The following CACNA2D3 variants were observed in gnomAD, a reference collection of about 807,000 sequenced individuals.
CACNA2D3 encodes calcium voltage-gated channel auxiliary subunit alpha2delta 3, also known as voltage-dependent calcium channel subunit alpha-2/delta-3.
Under a neutral mutation model 160.6 loss-of-function variants are expected in CACNA2D3, and 60 were observed. That is an observed-to-expected ratio of 0.37 (90% confidence interval 0.30 to 0.46). The LOEUF is 0.46. CACNA2D3 is among the 20% of genes least tolerant of loss of function. The probability of loss-of-function intolerance (pLI) is 1.00; values close to 1 mark genes in which losing one functional copy is unlikely to be tolerated. For missense variants in CACNA2D3, 1,205 were observed against 1,365.0 expected (o/e 0.88, Z 1.85); for synonymous variants, 558 against 492.9 (o/e 1.13, Z -1.75).
chr3:55,026,158 C>G (rs1290598099), intron 35 of CACNA2D3, among the ~76,000 whole-genome samples: 2 of 152,158 alleles, frequency 1.3e-5, no homozygotes, highest in Non-Finnish European at 2.9e-5. Context: ...GATAACCACT[C>G]TCTTGATTTC....
intron 35 of CACNA2D3, among the ~76,000 whole-genome samples, chr3:55,040,544 G>C (rs1703936089): frequency 6.6e-6 from 1 of 152,070 alleles, no homozygotes; most frequent in Admixed American, 6.6e-5. Flanking sequence ...TTAAAGCGGA[G>C]TACAATGGCA....
Position 54,943,379 on chromosome 3 carries a change from CAT to C in CACNA2D3, c.2450-25070_2450-25069del, listed in dbSNP as rs1222339832. 7.9e-5 allele frequency among the ~76,000 whole-genome samples: 12 copies of C among 152,236 alleles called. No homozygotes were observed. In the East Asian group the frequency reaches 9.7e-4, roughly 12 times the overall value. ...TTGCCGTTTTTTAGTTAATTTTAGA[CAT>C]GTGTATTTACTTCCTTTAATACATG... On this transcript the variant is annotated intron_variant, in intron 27 of 37. Transcript: ENST00000474759.
At chr3:54,479,115 T>G (rs1298743684) in intron 4 of CACNA2D3, among the ~76,000 whole-genome samples, 1 of 152,006 alleles carries the variant, frequency 6.6e-6, no homozygotes, top group Admixed American at 6.6e-5. Context: ...GCTGTTCTCT[T>G]GATAGTGAGT....
intron 27 of CACNA2D3, among the ~76,000 whole-genome samples, chr3:54,945,213 A>G (rs1490112159): frequency 2.6e-5 from 4 of 152,090 alleles, no homozygotes; most frequent in African/African-American, 9.7e-5. Flanking sequence ...GTTTTTCAGG[A>G]ATATATAAGT....
At chr3:55,059,890 A>G (rs1458985) in intron 35 of CACNA2D3, among the ~76,000 whole-genome samples, 11,417 of 151,980 alleles carry the variant, frequency 0.075, 1,045 homozygotes, top group East Asian at 0.28. Context: ...TCCTTTCAAC[A>G]TTCAGATGCT....
chr3:54,767,102 A>G (rs542641089), intron 13 of CACNA2D3, among the ~76,000 whole-genome samples: 1 of 151,658 alleles, frequency 6.6e-6, no homozygotes, highest in East Asian at 2.0e-4. Context: ...AAATGACACA[A>G]CTCTGAGTAT....
rs1325977199 is a variant in CACNA2D3, at chr3:54,123,422, C to T, written c.123-91C>T. 7 of 872,980 alleles carry T rather than the reference C, an allele frequency of 8.0e-6. No individual in the cohort carries two copies. In the African/African-American group the frequency reaches 1.2e-4, roughly 14 times the overall value. 54.1% of individuals were successfully genotyped at this position (872,980 alleles called of 1,614,324 possible). ...AACATGTTACATCGCACTGCTCCTTCAGCCATAGTCCCATGTGTGCGTGTG... is the reference window on the plus strand; with the variant it reads ...AACATGTTACATCGCACTGCTCCTTTAGCCATAGTCCCATGTGTGCGTGTG... On this transcript the variant is annotated intron_variant, in intron 1 of 37. Transcript: ENST00000474759.
At chr3:54,548,339 A>T (rs1702098179) in intron 5 of CACNA2D3, among the ~76,000 whole-genome samples, 2 of 152,254 alleles carry the variant, frequency 1.3e-5, no homozygotes, top group South Asian at 4.1e-4. Context: ...TTTCTCCAAC[A>T]TCATGAAATA....
chr3:54,719,163 C>CTTTTTT (rs527632302), intron 11 of CACNA2D3, among the ~76,000 whole-genome samples: 5 of 132,702 alleles, frequency 3.8e-5, no homozygotes, highest in African/African-American at 5.4e-5. Context: ...CACTGGATTT[C>CTTTTTT]TTTTTTTTTT....
chr3:54,904,057 C>A (rs992713466), intron 27 of CACNA2D3, among the ~76,000 whole-genome samples: 3 of 152,094 alleles, frequency 2.0e-5, no homozygotes, highest in Non-Finnish European at 4.4e-5. Flanking sequence ...GGCTGCAAAC[C>A]CCAAGATCCA....
chr3:54,330,917 G>T (rs1452410667), intron 3 of CACNA2D3, among the ~76,000 whole-genome samples: 1 of 152,204 alleles, frequency 6.6e-6, no homozygotes, highest in African/African-American at 2.4e-5. Flanking sequence ...GGGGAATTAG[G>T]GTTGGCCTCT....
chr3:54,761,177 G>A (rs922241976), intron 12 of CACNA2D3, among the ~76,000 whole-genome samples: 2 of 152,090 alleles, frequency 1.3e-5, no homozygotes, highest in African/African-American at 4.8e-5. Flanking sequence ...TTTACTGCTG[G>A]CTTTGAGGAT....
At chr3:54,286,708 G>T (rs372857378) in intron 2 of CACNA2D3, among the ~76,000 whole-genome samples, 1 of 152,180 alleles carries the variant, frequency 6.6e-6, no homozygotes, top group Non-Finnish European at 1.5e-5. Flanking sequence ...AAAGGGAAGC[G>T]CATCAGACTA....
chr3:54,308,174 G>T (rs192380251), intron 2 of CACNA2D3, among the ~76,000 whole-genome samples: 2 of 152,274 alleles, frequency 1.3e-5, no homozygotes, highest in Non-Finnish European at 2.9e-5. Flanking sequence ...CCAAGGTGTG[G>T]TGGTTAAGAG....
At chr3:54,571,623 G>A (rs996784162) in intron 8 of CACNA2D3, among the ~76,000 whole-genome samples, 1 of 139,218 alleles carries the variant, frequency 7.2e-6, no homozygotes, top group Admixed American at 7.1e-5. Flanking sequence ...GTGTGTGTGT[G>A]TGTGTGTGTG....
chr3:54,872,847 A>G (rs1476962930), intron 18 of CACNA2D3, among the ~76,000 whole-genome samples: 1 of 152,138 alleles, frequency 6.6e-6, no homozygotes, highest in Non-Finnish European at 1.5e-5. Context: ...GAGCTGACAT[A>G]GTGTCAGCTC....
chr3:54,458,759 T>C (rs1320621312), intron 4 of CACNA2D3, among the ~76,000 whole-genome samples: 4 of 146,670 alleles, frequency 2.7e-5, no homozygotes, highest in Non-Finnish European at 6.0e-5. Context: ...AAATACATTT[T>C]CTTTTTTTAT....
At chr3:54,341,728 T>TA (rs1458788676) in intron 3 of CACNA2D3, among the ~76,000 whole-genome samples, 1 of 152,204 alleles carries the variant, frequency 6.6e-6, no homozygotes, top group Non-Finnish European at 1.5e-5. Context: ...TGCTGGCTCT[T>TA]ACAGTAGATC....
At chr3:54,225,141 C>T (rs1350682682) in intron 2 of CACNA2D3, among the ~76,000 whole-genome samples, 3 of 151,070 alleles carry the variant, frequency 2.0e-5, no homozygotes, top group African/African-American at 7.3e-5. Context: ...GTGTGATGTT[C>T]CCCTTCCTGT....
Sources: allele counts gnomAD v4.1 joint callset (sites outside exome capture counted in the v4.1 genomes callset), GRCh38; gene constraint gnomAD v4.1.1; transcripts MANE v1.5; gene names NCBI Gene and HGNC (gene_info 2026-07-23, HGNC 2026-07-21).